The following RNF220 variants were observed in gnomAD, a reference collection of about 807,000 sequenced individuals.
RNF220 encodes the protein E3 ubiquitin-protein ligase RNF220.
A neutral mutation model predicts 67.1 loss-of-function variants in RNF220; 7 were observed. The observed-to-expected ratio is 0.10, with a 90% CI of 0.06 to 0.20. RNF220 has a LOEUF of 0.20. Ranked by LOEUF, RNF220 falls within the 10% of genes least tolerant of loss-of-function variation. The probability of loss-of-function intolerance (pLI) is 1.00; values close to 1 mark genes in which losing one functional copy is unlikely to be tolerated. For synonymous variants in RNF220, 270 were observed against 283.2 expected, an observed-to-expected ratio of 0.95 and a Z score of 0.47; for missense variants, 565 against 740.3, an observed-to-expected ratio of 0.76 and a Z score of 2.75.
At chr1:44,410,698 T>A (rs2147800325) in intron 1 of RNF220, 1 of 152,360 alleles carries the variant, frequency 6.6e-6, no homozygotes, top group Admixed American at 6.5e-5. Flanking sequence ...GTGGGCTTTT[T>A]AAAAGGGACG....
At position 44,454,195 on chromosome 1, in the gene RNF220, A is replaced by G. The variant is rs550656576; in HGVS notation, c.625+41473A>G. Among the ~76,000 whole-genome samples the G allele has an allele frequency of 1.2e-4, 19 of 152,314 alleles. No homozygotes were observed. The South Asian group carries it at 3.5e-3, about 28-fold the overall frequency. On this transcript the variant is annotated intron_variant, in intron 2 of 14. Coordinates refer to ENST00000361799, the MANE Select transcript of RNF220 (RefSeq NM_018150.4). ...TACCATTCTTCCTATGTACTAAAATAAGTAACTTAGAAATTATTTATGTGT... is the reference window on the plus strand; with the variant it reads ...TACCATTCTTCCTATGTACTAAAATGAGTAACTTAGAAATTATTTATGTGT...
At chr1:44,563,541 C>T (rs934788869) in intron 2 of RNF220, among the ~76,000 whole-genome samples, 8 of 152,202 alleles carry the variant, frequency 5.3e-5, no homozygotes, top group African/African-American at 1.9e-4. Context: ...AATTCTCTGA[C>T]TCTGGGTTCT....
chr1:44,466,071 A>G (rs1654247078), intron 2 of RNF220, among the ~76,000 whole-genome samples: 3 of 152,240 alleles, frequency 2.0e-5, no homozygotes. Context: ...TTCTTTCAAA[A>G]TTGTAGTCAG....
At chr1:44,628,971 T>A (rs1324008300) in intron 5 of RNF220, among the ~76,000 whole-genome samples, 6 of 152,244 alleles carry the variant, frequency 3.9e-5, no homozygotes, top group Non-Finnish European at 2.9e-5. Context: ...TTAACACAAC[T>A]CATTATTTAT....
intron 2 of RNF220, among the ~76,000 whole-genome samples, chr1:44,537,280 C>A (rs1199018416): frequency 6.6e-6 from 1 of 152,144 alleles, no homozygotes; most frequent in Non-Finnish European, 1.5e-5. Context: ...CCTGTTTGAA[C>A]ATATCCAGTG....
chr1:44,645,877 C>T lies in RNF220; in HGVS notation c.1445+389C>T, dbSNP rs531629312. On this transcript the variant is annotated intron_variant, in intron 12 of 14. Coordinates refer to ENST00000361799, the MANE Select transcript of RNF220 (RefSeq NM_018150.4). The surrounding 1 kb of genome is among the most constrained non-coding windows in gnomAD (Gnocchi z 5.0). ...CATTTTTCTTGTCCCGGGTGGCACTCGCAGTGGATTTTAGGCAGGAACATT... is the reference window on the plus strand; with the variant it reads ...CATTTTTCTTGTCCCGGGTGGCACTTGCAGTGGATTTTAGGCAGGAACATT... Among the ~76,000 whole-genome samples the T allele has an allele frequency of 1.6e-4, 24 of 152,330 alleles. No homozygotes were observed. The highest frequency in any genetic ancestry group is 5.3e-4 in the African/African-American group (22 of 41,576).
intron 2 of RNF220, among the ~76,000 whole-genome samples, chr1:44,507,714 G>A (rs1373350281): frequency 6.6e-6 from 1 of 152,212 alleles, no homozygotes; most frequent in Non-Finnish European, 1.5e-5. Context: ...ACAGCAGTTG[G>A]TGGTGAGCAG....
chr1:44,520,253 G>A (rs1659825405), intron 2 of RNF220, among the ~76,000 whole-genome samples: 1 of 152,032 alleles, frequency 6.6e-6, no homozygotes, highest in Non-Finnish European at 1.5e-5. Flanking sequence ...ACGAGGTCAG[G>A]AGATCGAGAC....
At chr1:44,607,925 CTTT>C (rs56995665) in intron 2 of RNF220, among the ~76,000 whole-genome samples, 49 of 141,832 alleles carry the variant, frequency 3.5e-4, no homozygotes, top group Admixed American at 4.9e-4. Flanking sequence ...GTTCTGTGTA[CTTT>C]TTTTTTTTTT....
chr1:44,603,626 C>T (rs1168190225), intron 2 of RNF220, among the ~76,000 whole-genome samples: 3 of 152,142 alleles, frequency 2.0e-5, no homozygotes, highest in Non-Finnish European at 4.4e-5. Flanking sequence ...GTAATTGATG[C>T]TAATTGATCT....
chr1:44,550,820 C>T (rs1662567814), intron 2 of RNF220, among the ~76,000 whole-genome samples: 1 of 152,136 alleles, frequency 6.6e-6, no homozygotes. Flanking sequence ...CGTTCTTGGG[C>T]CTGTTCTAGT....
intron 2 of RNF220, among the ~76,000 whole-genome samples, chr1:44,541,928 C>T (rs1661705107): frequency 6.6e-6 from 1 of 152,168 alleles, no homozygotes; most frequent in South Asian, 2.1e-4. Context: ...ATTTTAACTT[C>T]AGAATGCCCC....
intron 2 of RNF220, among the ~76,000 whole-genome samples, chr1:44,445,786 C>T (rs965195637): frequency 6.6e-6 from 1 of 152,112 alleles, no homozygotes; most frequent in Non-Finnish European, 1.5e-5. Flanking sequence ...CTGTTTATTG[C>T]ATTTATTGGT....
At chr1:44,428,699 A>C (rs1650045910) in intron 2 of RNF220, among the ~76,000 whole-genome samples, 1 of 152,126 alleles carries the variant, frequency 6.6e-6, no homozygotes, top group Non-Finnish European at 1.5e-5. Context: ...CTTTCTAAGT[A>C]GCTCGGCCAT....
intron 5 of RNF220, chr1:44,627,170 C>T (rs1257234525): frequency 6.7e-6 from 1 of 149,854 alleles, no homozygotes; most frequent in Non-Finnish European, 1.5e-5. Flanking sequence ...CATGGTGAAA[C>T]CCCATCTCTA....
intron 2 of RNF220, among the ~76,000 whole-genome samples, chr1:44,577,902 T>C (rs1485990628): frequency 6.6e-6 from 1 of 151,398 alleles, no homozygotes; most frequent in Non-Finnish European, 1.5e-5. Context: ...AATGGCATGA[T>C]CACAGCTCAC....
chr1:44,531,984 T>C (rs1660870268), intron 2 of RNF220, among the ~76,000 whole-genome samples: 2 of 152,158 alleles, frequency 1.3e-5, no homozygotes, highest in Non-Finnish European at 2.9e-5. Flanking sequence ...CCCCCTTTTT[T>C]CTAAGGTGCT....
chr1:44,556,583 A>G (rs1221728040), intron 2 of RNF220, among the ~76,000 whole-genome samples: 1 of 139,194 alleles, frequency 7.2e-6, no homozygotes, highest in African/African-American at 3.0e-5. Flanking sequence ...TTTTTTTGAC[A>G]GAGTCTGGCT....
At chr1:44,423,211 CAAG>C (rs1177711917) in intron 2 of RNF220, among the ~76,000 whole-genome samples, 1 of 152,140 alleles carries the variant, frequency 6.6e-6, no homozygotes, top group African/African-American at 2.4e-5. Flanking sequence ...ATCTGAAAAT[CAAG>C]AAGGAGTTAT....
Sources: gnomAD v4.1 joint callset for allele counts (sites outside exome capture counted in the v4.1 genomes callset) on GRCh38, gnomAD v4.1.1 for gene constraint, Gnocchi (gnomAD v3.1) non-coding constraint, MANE v1.5 for transcripts, NCBI Gene and HGNC (gene_info 2026-07-23, HGNC 2026-07-21) for gene names.